Variants in FGF12 observed in about 807,000 individuals in gnomAD.
The protein encoded by FGF12 is fibroblast growth factor 12B.
FGF12 carries 14 observed loss-of-function variants against 23.6 expected under a neutral mutation model. That is an observed-to-expected ratio of 0.59 (90% CI 0.39 to 0.93). The LOEUF (loss-of-function observed/expected upper bound fraction) is 0.93, where lower values mean the gene tolerates loss of function less well. Among genes scored for constraint, FGF12 ranks in the 40% least tolerant of loss-of-function variants. The probability of loss-of-function intolerance (pLI) is 0.00; values close to 1 mark genes in which losing one functional copy is unlikely to be tolerated. For synonymous variants in FGF12, 62 were observed against 77.3 expected, an observed-to-expected ratio of 0.80 and a Z score of 1.04; for missense variants, 175 against 217.8, an observed-to-expected ratio of 0.80 and a Z score of 1.24.
intron 2 of FGF12, among the ~76,000 whole-genome samples, chr3:192,636,487 C>T (rs1455017062): frequency 6.6e-6 from 1 of 152,180 alleles, no homozygotes; most frequent in Non-Finnish European, 1.5e-5. Flanking sequence ...CTGCACAAGT[C>T]AATTCTTAAC....
intron 4 of FGF12, among the ~76,000 whole-genome samples, chr3:192,317,566 TAGAATAGAACACCAGCA>T (rs143559617): frequency 0.044 from 6,700 of 152,004 alleles, 507 homozygotes; most frequent in African/African-American, 0.15. Context: ...TCAACCACAG[TAGAATAGAACACCAGCA>T]AGATTCATAA....
chr3:192,468,460 C>T (rs1723070852), intron 2 of FGF12, among the ~76,000 whole-genome samples: 2 of 152,206 alleles, frequency 1.3e-5, no homozygotes, highest in Non-Finnish European at 2.9e-5. Context: ...AATCTTGACA[C>T]TTCTGCAGTA....
chr3:192,435,940 T>C (rs934324295), intron 2 of FGF12, among the ~76,000 whole-genome samples: 2 of 152,230 alleles, frequency 1.3e-5, no homozygotes, highest in African/African-American at 4.8e-5. Context: ...AGAATATTTA[T>C]TTTGAAGAAT....
At chr3:192,624,956 C>A (rs985887606) in intron 2 of FGF12, among the ~76,000 whole-genome samples, 9 of 152,208 alleles carry the variant, frequency 5.9e-5, no homozygotes, top group Admixed American at 3.3e-4. Flanking sequence ...GTACAGACTA[C>A]TGTCATAGTC....
intron 2 of FGF12, among the ~76,000 whole-genome samples, chr3:192,704,661 G>A (rs956628138): frequency 1.3e-5 from 2 of 152,188 alleles, no homozygotes; most frequent in Admixed American, 1.3e-4. Flanking sequence ...AAAAAAGTGA[G>A]CCTGTCCTTT....
intron 2 of FGF12, among the ~76,000 whole-genome samples, chr3:192,678,444 T>C (rs191511380): frequency 1.3e-5 from 2 of 152,314 alleles, no homozygotes; most frequent in Admixed American, 6.5e-5. Flanking sequence ...GAGGATCCCC[T>C]TCTCAGCTCT....
At chr3:192,424,037 G>A (rs922062364) in intron 2 of FGF12, among the ~76,000 whole-genome samples, 4 of 150,948 alleles carry the variant, frequency 2.6e-5, no homozygotes, top group African/African-American at 9.8e-5. Flanking sequence ...TCTTCACCCC[G>A]CCCTCTTTAA....
At chr3:192,180,475 T>G (rs1015247263) in intron 4 of FGF12, among the ~76,000 whole-genome samples, 3 of 152,182 alleles carry the variant, frequency 2.0e-5, no homozygotes, top group Non-Finnish European at 4.4e-5. Flanking sequence ...CCACTATGAC[T>G]GAACAGGAAA....
intron 4 of FGF12, among the ~76,000 whole-genome samples, chr3:192,246,175 A>G (rs1344706321): frequency 6.6e-6 from 1 of 152,172 alleles, no homozygotes; most frequent in Non-Finnish European, 1.5e-5. Flanking sequence ...AACTAAATGA[A>G]TTTTAAAATT....
intron 4 of FGF12, among the ~76,000 whole-genome samples, chr3:192,294,243 T>A (rs901614882): frequency 2.0e-5 from 3 of 152,176 alleles, no homozygotes; most frequent in Admixed American, 6.5e-5. Flanking sequence ...GACTCGGGTA[T>A]GTCTTTATCA....
intron 2 of FGF12, among the ~76,000 whole-genome samples, chr3:192,724,071 G>A (rs1719131496): frequency 7.9e-6 from 1 of 127,168 alleles, no homozygotes; most frequent in Non-Finnish European, 1.6e-5. Flanking sequence ...AGGGAAAGAA[G>A]GAAGGAAGAA....
chr3:192,276,899 G>T (rs1406302211), intron 4 of FGF12, among the ~76,000 whole-genome samples: 2 of 152,220 alleles, frequency 1.3e-5, no homozygotes. Context: ...AGACAGACAG[G>T]TCTTACTGAG....
At chr3:192,177,099 G>A (rs1715906720) in intron 4 of FGF12, among the ~76,000 whole-genome samples, 1 of 152,164 alleles carries the variant, frequency 6.6e-6, no homozygotes. Context: ...TAAACAGTAA[G>A]TATTTTCTGG....
chr3:192,406,294 T>A (rs774944071), intron 2 of FGF12, among the ~76,000 whole-genome samples: 45 of 151,760 alleles, frequency 3.0e-4, no homozygotes, highest in Non-Finnish European at 4.4e-4. Flanking sequence ...TATCCACCTA[T>A]CATTCTTATT....
At chr3:192,208,077 C>T (rs1238647062) in intron 4 of FGF12, among the ~76,000 whole-genome samples, 1 of 152,150 alleles carries the variant, frequency 6.6e-6, no homozygotes, top group African/African-American at 2.4e-5. Context: ...CCCTTTACAG[C>T]TCATTAGCTA....
At chr3:192,219,229 C>T (rs1033300263) in intron 4 of FGF12, among the ~76,000 whole-genome samples, 8 of 152,100 alleles carry the variant, frequency 5.3e-5, no homozygotes, top group African/African-American at 1.9e-4. Flanking sequence ...GGACTACAGG[C>T]ACTTGCCACC....
intron 4 of FGF12, among the ~76,000 whole-genome samples, chr3:192,297,067 C>A (rs1314510111): frequency 6.6e-6 from 1 of 152,148 alleles, no homozygotes; most frequent in African/African-American, 2.4e-5. Flanking sequence ...TTATTGCTCA[C>A]CCTTTACTAT....
intron 2 of FGF12, among the ~76,000 whole-genome samples, chr3:192,720,027 C>G (rs1718992348): frequency 6.6e-6 from 1 of 152,230 alleles, no homozygotes; most frequent in South Asian, 2.1e-4. Flanking sequence ...GCTGCCTCTT[C>G]CTGCCTGCTT....
rs772513249 is a variant in FGF12 at position 192,409,612 on chromosome 3, G to A, written c.14-49074C>T. Among the ~76,000 whole-genome samples, 2 of 152,332 alleles carry A rather than the reference G, an allele frequency of 1.3e-5. No homozygotes were observed. Among genetic ancestry groups the A allele is most frequent in the Non-Finnish European group, 2.9e-5 (2 of 68,014 alleles). ...AGGAAGGAAGTGACCCGCGCGCTGC[G>A]AATACCCGCGCGTCCGCTCGGGTGG... On this transcript the variant is annotated intron_variant, in intron 2 of 5. Coordinates refer to ENST00000445105, the MANE Select transcript of FGF12 (RefSeq NM_004113.6). The surrounding 1 kb of genome is among the most constrained non-coding windows in gnomAD (Gnocchi z 4.8).
Sources: allele counts gnomAD v4.1 joint callset (sites outside exome capture counted in the v4.1 genomes callset), GRCh38; gene constraint gnomAD v4.1.1; non-coding constraint Gnocchi (gnomAD v3.1); transcripts MANE v1.5; gene names NCBI Gene and HGNC (gene_info 2026-07-23, HGNC 2026-07-21).